Variants in ERC2 observed in about 807,000 individuals in gnomAD.
The protein encoded by ERC2 is ELKS/RAB6-interacting/CAST family member 2.
A neutral mutation model predicts 114.8 loss-of-function variants in ERC2; 42 were observed. That is an observed-to-expected ratio of 0.37 (90% CI 0.29 to 0.47). ERC2 has a LOEUF of 0.47. Among genes scored for constraint, ERC2 ranks in the 20% least tolerant of loss-of-function variants. ERC2 has a pLI of 0.99. For missense variants in ERC2, 939 were observed against 1,150.7 expected (o/e 0.82, Z 2.66); for synonymous variants, 454 against 425.5 (o/e 1.07, Z -0.82).
chr3:55,845,398 G>T (rs56291342), intron 14 of ERC2, among the ~76,000 whole-genome samples: 26,197 of 149,584 alleles, frequency 0.18, 3,357 homozygotes, highest in African/African-American at 0.36. Context: ...CAGCTGCTTG[G>T]GAGGCTGAGG....
chr3:55,549,482 T>A (rs2054997091), intron 17 of ERC2, among the ~76,000 whole-genome samples: 1 of 151,202 alleles, frequency 6.6e-6, no homozygotes, highest in Admixed American at 6.6e-5. Context: ...CTTACCTTTT[T>A]TTTTTTTTTT....
At chr3:55,918,328 G>A (rs1309844809) in intron 13 of ERC2, among the ~76,000 whole-genome samples, 2 of 152,042 alleles carry the variant, frequency 1.3e-5, no homozygotes, top group Non-Finnish European at 2.9e-5. Flanking sequence ...TGGGGGCAGG[G>A]TGATCTATGA....
chr3:55,967,315 C>T (rs1429252131), intron 12 of ERC2, among the ~76,000 whole-genome samples: 1 of 152,058 alleles, frequency 6.6e-6, no homozygotes, highest in East Asian at 1.9e-4. Flanking sequence ...AAAACACCAA[C>T]ACTAATTAGA....
chr3:56,200,259 C>T (rs76125025), intron 3 of ERC2, among the ~76,000 whole-genome samples: 109 of 151,750 alleles, frequency 7.2e-4, no homozygotes, highest in African/African-American at 2.5e-3. Context: ...CTTCTCTGTC[C>T]TCATTTTTCA....
chr3:55,916,858 TC>T (rs1215009908), intron 13 of ERC2, among the ~76,000 whole-genome samples: 2 of 152,210 alleles, frequency 1.3e-5, no homozygotes, highest in Non-Finnish European at 2.9e-5. Flanking sequence ...GCCCTTCTGT[TC>T]CTAGTACCTG....
At chr3:55,759,518 A>G (rs1372476457) in intron 14 of ERC2, among the ~76,000 whole-genome samples, 1 of 148,004 alleles carries the variant, frequency 6.8e-6, no homozygotes, top group African/African-American at 2.5e-5. Flanking sequence ...CAAAATAAGT[A>G]TGATAAACAT....
rs115470019 is a variant in ERC2, at chr3:56,137,670, T to A, written c.1473+1839A>T. On this transcript the variant is annotated intron_variant, in intron 6 of 17. Transcript: ENST00000288221. ...TAATACTTTATTTACAAAAGCAGGC[T>A]CAGGGCCAGATCTGGCCCACAAGCC... Among the ~76,000 whole-genome samples, 398 of 152,354 alleles carry A rather than the reference T, an allele frequency of 2.6e-3. 2 individuals are homozygous for A. Among genetic ancestry groups the A allele is most frequent in the African/African-American group, 9.2e-3 (382 of 41,588 alleles).
At chr3:56,036,951 G>A (rs991966422) in intron 7 of ERC2, among the ~76,000 whole-genome samples, 9 of 152,062 alleles carry the variant, frequency 5.9e-5, no homozygotes, top group African/African-American at 1.9e-4. Flanking sequence ...TATAGAAGAC[G>A]GGCCTGACTG....
In ERC2 at chr3:55,938,955, A is replaced by G. The variant is rs556579516; in HGVS notation, c.2403+11470T>C. ...AAACAGTCATCAATTTTTTTAAAAAAAATTTATCAGATTTGGATTTGGAGT... is the reference window on the plus strand; with the variant it reads ...AAACAGTCATCAATTTTTTTAAAAAGAATTTATCAGATTTGGATTTGGAGT... On this transcript the variant is annotated intron_variant, in intron 13 of 17. Transcript: ENST00000288221. Among the ~76,000 whole-genome samples, 9 of 152,352 alleles carry G rather than the reference A, an allele frequency of 5.9e-5. 1 individual carries two copies. Among genetic ancestry groups the G allele is most frequent in the African/African-American group, 2.2e-4 (9 of 41,596 alleles).
intron 6 of ERC2, among the ~76,000 whole-genome samples, chr3:56,093,763 A>G (rs913192754): frequency 1.3e-5 from 2 of 152,232 alleles, no homozygotes; most frequent in African/African-American, 4.8e-5. Flanking sequence ...TAAGTAAAGT[A>G]GTAATTATTA....
At chr3:56,461,565 C>T (rs1233326193) in intron 1 of ERC2, among the ~76,000 whole-genome samples, 1 of 152,154 alleles carries the variant, frequency 6.6e-6, no homozygotes, top group South Asian at 2.1e-4. Flanking sequence ...GAAAAAGTGG[C>T]TATGGGGAAC....
chr3:56,088,189 G>A (rs775864073), intron 6 of ERC2, among the ~76,000 whole-genome samples: 43 of 152,154 alleles, frequency 2.8e-4, no homozygotes, highest in Non-Finnish European at 5.0e-4. Context: ...ACCTTCCTAA[G>A]TCTGGATCCT....
chr3:56,281,595 T>G (rs2054352932), intron 3 of ERC2, among the ~76,000 whole-genome samples: 1 of 152,128 alleles, frequency 6.6e-6, no homozygotes, highest in Admixed American at 6.5e-5. Flanking sequence ...CCTCAGGGAA[T>G]GCACAGTCTT....
chr3:55,645,819 T>A (rs570370463), intron 17 of ERC2, among the ~76,000 whole-genome samples: 1 of 152,270 alleles, frequency 6.6e-6, no homozygotes, highest in East Asian at 1.9e-4. Context: ...CAACGTTGGA[T>A]AATGAATTTT....
At chr3:55,515,527 C>A (rs1016758101) in intron 17 of ERC2, among the ~76,000 whole-genome samples, 5 of 151,604 alleles carry the variant, frequency 3.3e-5, no homozygotes, top group Non-Finnish European at 7.4e-5. Flanking sequence ...GCCATGGTGC[C>A]CAGCCGTTAA....
At chr3:56,144,973 T>C (rs2149934959) in intron 5 of ERC2, among the ~76,000 whole-genome samples, 1 of 152,308 alleles carries the variant, frequency 6.6e-6, no homozygotes, top group Middle Eastern at 3.4e-3. Context: ...GGTCTGTCTC[T>C]GTGACAGCCA....
chr3:55,678,420 G>T (rs1190334137), intron 17 of ERC2, among the ~76,000 whole-genome samples: 1 of 152,120 alleles, frequency 6.6e-6, no homozygotes, highest in East Asian at 1.9e-4. Context: ...AGAGCCAATG[G>T]CAACTTCCTT....
chr3:56,141,408 A>T (rs2080847373), intron 5 of ERC2, among the ~76,000 whole-genome samples: 2 of 152,162 alleles, frequency 1.3e-5, no homozygotes, highest in South Asian at 4.1e-4. Context: ...GCCAGCCACC[A>T]TGTTCTAGAA....
At chr3:55,974,563 T>C (rs1275978856) in intron 12 of ERC2, among the ~76,000 whole-genome samples, 2 of 152,144 alleles carry the variant, frequency 1.3e-5, no homozygotes, top group African/African-American at 4.8e-5. Context: ...CTCCTGGAAA[T>C]ACATCTTTTC....
Sources: gnomAD v4.1 joint callset for allele counts (sites outside exome capture counted in the v4.1 genomes callset) on GRCh38, gnomAD v4.1.1 for gene constraint, MANE v1.5 for transcripts, NCBI Gene and HGNC (gene_info 2026-07-23, HGNC 2026-07-21) for gene names.